The following STK33 variants were observed in gnomAD, a reference collection of about 807,000 sequenced individuals.
The protein encoded by STK33 is serine/threonine kinase 33.
In STK33, 52 loss-of-function variants were observed where a neutral mutation model predicts 58.0. The observed-to-expected ratio is 0.90, with a 90% CI of 0.72 to 1.13. The LOEUF (loss-of-function observed/expected upper bound fraction) is 1.13, where lower values mean the gene tolerates loss of function less well. STK33 is among the 50% of genes most tolerant of loss of function. STK33 has a pLI of 0.00. For synonymous variants in STK33, 215 were observed against 200.1 expected, an observed-to-expected ratio of 1.07 and a Z score of -0.63; for missense variants, 630 against 604.2, an observed-to-expected ratio of 1.04 and a Z score of -0.45.
intron 5 of STK33, 121 bp from the exon 6 acceptor site, chr11:8,473,397 A>G: frequency 1.6e-6 from 1 of 637,572 alleles, no homozygotes. Flanking sequence ...ACTATGCACA[A>G]GATTGTTTAC....
chr11:8,498,827 G>A (rs1951272754), intron 1 of STK33, among the ~76,000 whole-genome samples: 1 of 152,136 alleles, frequency 6.6e-6, no homozygotes, highest in South Asian at 2.1e-4. Context: ...AAACAGCAAT[G>A]GGGAAAGGAT....
intron 1 of STK33, among the ~76,000 whole-genome samples, chr11:8,494,473 T>C (rs1950889629): frequency 6.6e-6 from 1 of 152,246 alleles, no homozygotes; most frequent in South Asian, 2.1e-4. Flanking sequence ...GAACATTTCA[T>C]GCTCATGGAT....
intron 2 of STK33, among the ~76,000 whole-genome samples, chr11:8,479,783 C>T (rs1329612287): frequency 6.6e-6 from 1 of 152,092 alleles, no homozygotes; most frequent in Non-Finnish European, 1.5e-5. Context: ...GCAGAGGTTG[C>T]AGTGAGCTGA....
At chr11:8,480,268 G>C (rs1949687437) in intron 2 of STK33, among the ~76,000 whole-genome samples, 142 bp downstream of exon 2, 1 of 152,310 alleles carries the variant, frequency 6.6e-6, no homozygotes, top group South Asian at 2.1e-4. Context: ...TGGAAGAAGG[G>C]AAGCAATGGG....
intron 11 of STK33, among the ~76,000 whole-genome samples, chr11:8,442,323 C>T (rs1160438482): frequency 6.6e-6 from 1 of 152,132 alleles, no homozygotes; most frequent in Non-Finnish European, 1.5e-5. Context: ...TGCTCTATGG[C>T]CACATGTCTA....
chr11:8,376,451 C>T, the STK33 span, among the ~76,000 whole-genome samples: 1 of 152,180 alleles, frequency 6.6e-6, no homozygotes, highest in East Asian at 1.9e-4. Flanking sequence ...TCTCCTTCCC[C>T]TCTTCTCTCC....
At chr11:8,566,556 T>C (rs557928400) in intron 1 of STK33, among the ~76,000 whole-genome samples, 110 of 152,324 alleles carry the variant, frequency 7.2e-4, no homozygotes, top group African/African-American at 2.5e-3. Flanking sequence ...CTGTGCCAGA[T>C]AGCATCTCAT....
At chr11:8,572,661 C>T (rs1245075542) in intron 1 of STK33, among the ~76,000 whole-genome samples, 2 of 151,964 alleles carry the variant, frequency 1.3e-5, no homozygotes, top group Non-Finnish European at 2.9e-5. Flanking sequence ...TCAAGCAATC[C>T]TCCAACCTCA....
At position 8,572,045 on chromosome 11, in the gene STK33, T is replaced by TAAATTTTAATTTAAAAAAATAAATAAAAA. The variant is rs1565393832; in HGVS notation, c.-466+22037_-466+22038insTTTTTATTTATTTTTTTAAATTAAAATTT. The stretch of plus-strand genomic sequence containing the variant: ...TTTTAATTTTAAAAAATAAATTAAT[T>TAAATTTTAATTTAAAAAAATAAATAAAAA]AATTAATTAATTTTAAAATTAAAAA... On this transcript the variant is annotated intron_variant, in intron 1 of 15. Coordinates refer to ENST00000687296, the MANE Select transcript of STK33 (RefSeq NM_001352389.2). Among the ~76,000 whole-genome samples, 4 of 62,236 alleles carry TAAATTTTAATTTAAAAAAATAAATAAAAA rather than the reference T, an allele frequency of 6.4e-5. 1 individual carries two copies. The highest frequency in any genetic ancestry group is 8.2e-4 in the East Asian group (2 of 2,434). The allele number at this position is 62,236 out of a possible 152,430, so 40.8% of individuals were successfully genotyped here.
intron 7 of STK33, among the ~76,000 whole-genome samples, chr11:8,464,138 C>T (rs2137406377): frequency 6.6e-6 from 1 of 152,280 alleles, no homozygotes; most frequent in Non-Finnish European, 1.5e-5. Context: ...GGTGTAAAGT[C>T]TGAGGTCTTA....
At chr11:8,367,302 C>A in the STK33 span, among the ~76,000 whole-genome samples, 27 of 152,334 alleles carry the variant, frequency 1.8e-4, no homozygotes, top group South Asian at 4.1e-3. Flanking sequence ...TGTATCCATG[C>A]AGATTGTGAG....
chr11:8,337,257 C>T, the STK33 span, among the ~76,000 whole-genome samples: 5 of 152,188 alleles, frequency 3.3e-5, no homozygotes, highest in Admixed American at 6.5e-5. Context: ...CTTATTAAGT[C>T]GCCTGCGTGT....
chr11:8,422,606 A>T (rs1269055217), intron 14 of STK33, among the ~76,000 whole-genome samples: 2 of 152,172 alleles, frequency 1.3e-5, no homozygotes, highest in African/African-American at 4.8e-5. Flanking sequence ...CTATTGCTTC[A>T]ATTTATTTAA....
rs548920572 is a variant in STK33, at chr11:8,413,676, G to A, written c.1163C>T (p.Ser388Leu). 94 of 1,613,514 alleles carry A rather than the reference G, an allele frequency of 5.8e-5. 1 individual carries two copies. Among genetic ancestry groups the A allele is most frequent in the South Asian group, 4.7e-4 (43 of 91,028 alleles). The change falls in exon 15 of 16, where the codon TCG (serine) becomes TTG (leucine). Residue 388 changes from serine (S) to leucine (L), a missense_variant. By Grantham distance (145) the Ser-to-Leu change is moderately radical (BLOSUM62 -2). Transcript: ENST00000687296. ...NQWLTGNKLSSVRPTNVLEMM... is the reference protein window; with the variant it reads ...NQWLTGNKLSLVRPTNVLEMM... ...CTCTAATACATTGGTTGGTCTCACC[G>A]AAGAAAGTTTATTGCCCTAATATTA...
chr11:8,573,100 G>T (rs1483836762), intron 1 of STK33, among the ~76,000 whole-genome samples: 2 of 151,750 alleles, frequency 1.3e-5, no homozygotes, highest in Non-Finnish European at 2.9e-5. Context: ...TGTTAAGCTG[G>T]ACTTCATCAA....
At chr11:8,479,991 G>T (rs1317367491) in intron 2 of STK33, among the ~76,000 whole-genome samples, 1 of 152,170 alleles carries the variant, frequency 6.6e-6, no homozygotes, top group Non-Finnish European at 1.5e-5. Flanking sequence ...CATTTAGTTA[G>T]AAAAACAGGC....
chr11:8,400,520 A>G (rs1937649853), intron 15 of STK33, among the ~76,000 whole-genome samples: 1 of 152,230 alleles, frequency 6.6e-6, no homozygotes, highest in African/African-American at 2.4e-5. Context: ...ATCATAATGA[A>G]TGGGCAAAAA....
At chr11:8,342,659 C>G in the STK33 span, among the ~76,000 whole-genome samples, 1 of 152,224 alleles carries the variant, frequency 6.6e-6, no homozygotes, top group Admixed American at 6.5e-5. Flanking sequence ...ATCTGCATGA[C>G]ATGCTTATGA....
At chr11:8,431,417 T>C (rs1943414096) in intron 14 of STK33, among the ~76,000 whole-genome samples, 2 of 152,032 alleles carry the variant, frequency 1.3e-5, no homozygotes, top group South Asian at 2.1e-4. Flanking sequence ...CGAATAACAA[T>C]ACATAAATTA....
Sources: allele counts gnomAD v4.1 joint callset (sites outside exome capture counted in the v4.1 genomes callset), GRCh38; gene constraint gnomAD v4.1.1; transcripts MANE v1.5; gene names NCBI Gene and HGNC (gene_info 2026-07-23, HGNC 2026-07-21).